GLRA2: variants seen among roughly 807,000 people sequenced by gnomAD.
The protein encoded by GLRA2 is glycine receptor alpha 2, also known as glycine receptor subunit alpha-2.
A neutral mutation model predicts 31.6 loss-of-function variants in GLRA2; 11 were observed. The ratio of observed to expected loss-of-function variants is 0.35; its 90% CI spans 0.22 to 0.58. The LOEUF (loss-of-function observed/expected upper bound fraction) is 0.58. Ranked by LOEUF, GLRA2 falls within the 20% of genes least tolerant of loss-of-function variation. The pLI is 0.84. For missense variants in GLRA2, 212 were observed against 351.8 expected, an observed-to-expected ratio of 0.60 and a Z score of 3.18; for synonymous variants, 132 against 134.0, an observed-to-expected ratio of 0.99 and a Z score of 0.10.
chrX:14,638,052 C>T (rs1461739507), intron 7 of GLRA2, among the ~76,000 whole-genome samples: 1 of 111,325 alleles, frequency 9.0e-6, no homozygotes, highest in Non-Finnish European at 1.9e-5. Flanking sequence ...TACCAGGTCT[C>T]CTAACCAGTA....
intron 8 of GLRA2, among the ~76,000 whole-genome samples, chrX:14,692,082 C>G (rs2091369842): frequency 8.9e-6 from 1 of 111,835 alleles, no homozygotes; most frequent in South Asian, 3.7e-4. Flanking sequence ...TCACTGAGTT[C>G]TGACTGCATC....
At chrX:14,591,740 T>C (rs1569504700) in intron 4 of GLRA2, among the ~76,000 whole-genome samples, 1 of 112,036 alleles carries the variant, frequency 8.9e-6, no homozygotes, top group East Asian at 2.8e-4. Flanking sequence ...ACAGATCTTA[T>C]GCTTGTTTGG....
intron 2 of GLRA2, among the ~76,000 whole-genome samples, chrX:14,543,427 T>C (rs1049770584): frequency 9.0e-6 from 1 of 110,858 alleles, no homozygotes; most frequent in African/African-American, 3.3e-5. Context: ...TCTTGGAAAT[T>C]ATTAATTCTG....
At chrX:14,477,033 A>T in the GLRA2 span, among the ~76,000 whole-genome samples, 648 of 111,569 alleles carry the variant, frequency 5.8e-3, 8 homozygotes, top group African/African-American at 0.02. Flanking sequence ...TATACTGAGG[A>T]CCCTGCATTC....
At chrX:14,516,089 G>A in the GLRA2 span, among the ~76,000 whole-genome samples, 1 of 111,715 alleles carries the variant, frequency 9.0e-6, no homozygotes, top group Non-Finnish European at 1.9e-5. Context: ...TTAGAGTCAA[G>A]TTTTGAATAT....
chrX:14,672,483 G>C (rs1278844568), intron 7 of GLRA2, among the ~76,000 whole-genome samples: 1 of 112,158 alleles, frequency 8.9e-6, no homozygotes, highest in Non-Finnish European at 1.9e-5. Flanking sequence ...GAGGCAGTAG[G>C]ATTTCTTTTT....
intron 7 of GLRA2, among the ~76,000 whole-genome samples, chrX:14,617,037 G>C (rs1215495118): frequency 8.9e-6 from 1 of 111,778 alleles, no homozygotes; most frequent in Non-Finnish European, 1.9e-5. Context: ...AGCACCATTG[G>C]TACTTTAGTT....
chrX:14,649,003 C>A (rs1266399356), intron 7 of GLRA2, among the ~76,000 whole-genome samples: 1 of 111,261 alleles, frequency 9.0e-6, no homozygotes, highest in Non-Finnish European at 1.9e-5. Context: ...ATCACAAGGT[C>A]AAGAGATCGA....
chrX:14,522,746 A>G, the GLRA2 span, among the ~76,000 whole-genome samples: 8 of 111,907 alleles, frequency 7.1e-5, no homozygotes, highest in Non-Finnish European at 1.3e-4. Context: ...CCTTGGGTGC[A>G]TTGTCAATGA....
chrX:14,712,343 C>T (rs1406018245), intron 8 of GLRA2, among the ~76,000 whole-genome samples: 1 of 111,762 alleles, frequency 8.9e-6, no homozygotes, highest in East Asian at 2.8e-4. Flanking sequence ...CAGACATTGC[C>T]AAATATCCCC....
chrX:14,514,509 T>A, the GLRA2 span, among the ~76,000 whole-genome samples: 2 of 111,795 alleles, frequency 1.8e-5, no homozygotes, highest in East Asian at 5.6e-4. Flanking sequence ...AAATTGTCAT[T>A]TAACATTCTC....
chrX:14,462,494 T>C, the GLRA2 span, among the ~76,000 whole-genome samples: 10 of 112,061 alleles, frequency 8.9e-5, no homozygotes, highest in Non-Finnish European at 9.4e-5. Context: ...CAATCAAATG[T>C]AGATTTGGTC....
the GLRA2 span, among the ~76,000 whole-genome samples, chrX:14,500,144 C>T: frequency 8.9e-6 from 1 of 112,064 alleles, no homozygotes; most frequent in Non-Finnish European, 1.9e-5. Context: ...ATCCAAAGCC[C>T]TAGAAATTCT....
At chrX:14,623,778 G>A (rs1166427706) in intron 7 of GLRA2, among the ~76,000 whole-genome samples, 21 of 111,311 alleles carry the variant, frequency 1.9e-4, no homozygotes, top group African/African-American at 4.6e-4. Flanking sequence ...TTTTTGCATC[G>A]ATGTTCATCA....
intron 7 of GLRA2, among the ~76,000 whole-genome samples, chrX:14,627,348 A>G (rs2090599806): frequency 9.0e-6 from 1 of 111,272 alleles, no homozygotes; most frequent in Non-Finnish European, 1.9e-5. Flanking sequence ...TAGATAAGTA[A>G]ATTGAGTCTA....
intron 2 of GLRA2, among the ~76,000 whole-genome samples, chrX:14,547,906 A>G (rs2089503087): frequency 8.9e-6 from 1 of 112,007 alleles, no homozygotes; most frequent in African/African-American, 3.2e-5. Context: ...ATCTCATTCT[A>G]CATTGTATCT....
intron 4 of GLRA2, among the ~76,000 whole-genome samples, chrX:14,585,266 G>A (rs181024356): frequency 6.3e-5 from 7 of 111,438 alleles, no homozygotes; most frequent in African/African-American, 2.3e-4. Flanking sequence ...TACTGTACTG[G>A]GTCTAGAGAT....
At chrX:14,729,757 T>C (rs1218055371) in intron 8 of GLRA2, among the ~76,000 whole-genome samples, 1 of 111,219 alleles carries the variant, frequency 9.0e-6, no homozygotes, top group Non-Finnish European at 1.9e-5. Flanking sequence ...ACCACAATAC[T>C]ATAGGTTCCT....
At chrX:14,473,187 G>A in the GLRA2 span, among the ~76,000 whole-genome samples, 95 of 111,444 alleles carry the variant, frequency 8.5e-4, no homozygotes, top group African/African-American at 2.8e-3. Context: ...CCTTCCCCAT[G>A]GGAACACATG....
Sources: gnomAD v4.1 joint callset for allele counts (sites outside exome capture counted in the v4.1 genomes callset) on GRCh38, gnomAD v4.1.1 for gene constraint, MANE v1.5 for transcripts, NCBI Gene and HGNC (gene_info 2026-07-23, HGNC 2026-07-21) for gene names.